Variants in TTC3 observed in about 807,000 individuals in gnomAD.
The protein encoded by TTC3 is tetratricopeptide repeat domain 3.
TTC3 carries 180 observed loss-of-function variants against 249.6 expected under a neutral mutation model. The observed-to-expected ratio is 0.72, with a 90% confidence interval of 0.64 to 0.82. TTC3 has a LOEUF of 0.82. Among genes scored for constraint, TTC3 ranks in the 40% least tolerant of loss-of-function variants. The probability of loss-of-function intolerance (pLI) is 0.00; values close to 1 mark genes in which losing one functional copy is unlikely to be tolerated. For missense variants in TTC3, 2,061 were observed against 2,398.4 expected (o/e 0.86, Z 2.94); for synonymous variants, 717 against 805.0 (o/e 0.89, Z 1.85).
chr21:37,112,467 T>A (rs1309097000), intron 11 of TTC3, among the ~76,000 whole-genome samples: 1 of 152,116 alleles, frequency 6.6e-6, no homozygotes, highest in Non-Finnish European at 1.5e-5. Context: ...CCTCGACACA[T>A]ACACTCTCCC....
chr21:37,155,302 A>G (rs1160514347), intron 27 of TTC3, among the ~76,000 whole-genome samples: 1 of 152,058 alleles, frequency 6.6e-6, no homozygotes, highest in Non-Finnish European at 1.5e-5. Context: ...GGAGGAAAGG[A>G]GGGAGGGAGA....
intron 11 of TTC3, among the ~76,000 whole-genome samples, chr21:37,109,100 T>G (rs991257547): frequency 2.0e-5 from 3 of 152,136 alleles, no homozygotes; most frequent in African/African-American, 4.8e-5. Flanking sequence ...GATGGCTGAA[T>G]AGGAACAGCT....
At chr21:37,201,821 G>T in exon 46 of TTC3, 1 of 512,216 alleles carries the variant, frequency 2.0e-6, no homozygotes, top group South Asian at 2.5e-5. Flanking sequence ...GGGCTGCGCA[G>T]GGCTCTTTGA....
At chr21:37,191,757 G>C (rs2084147902) in intron 40 of TTC3, among the ~76,000 whole-genome samples, 1 of 151,986 alleles carries the variant, frequency 6.6e-6, no homozygotes, top group Non-Finnish European at 1.5e-5. Context: ...TTTGTTTTTG[G>C]TTTTGGTTTT....
At chr21:37,112,943 C>T (rs2075805052) in intron 11 of TTC3, among the ~76,000 whole-genome samples, 1 of 152,246 alleles carries the variant, frequency 6.6e-6, no homozygotes, top group South Asian at 2.1e-4. Flanking sequence ...ACAAAAACCA[C>T]ATGATTATCT....
intron 11 of TTC3, among the ~76,000 whole-genome samples, chr21:37,114,829 A>G (rs1406808603): frequency 3.3e-5 from 5 of 152,194 alleles, no homozygotes; most frequent in African/African-American, 4.8e-5. Flanking sequence ...TGGCACATAT[A>G]CACCATGGAA....
At chr21:37,090,675 A>T (rs562580557) in intron 6 of TTC3, 2 of 289,244 alleles carry the variant, frequency 6.9e-6, no homozygotes, top group South Asian at 2.7e-4. Flanking sequence ...TGCCATAAAC[A>T]TCTATGTTTA....
chr21:37,136,543 C>T (rs2077955218), intron 18 of TTC3, among the ~76,000 whole-genome samples: 1 of 152,188 alleles, frequency 6.6e-6, no homozygotes, highest in South Asian at 2.1e-4. Context: ...TCTAACTCTT[C>T]TATTCTGTGA....
chr21:37,153,404 T>A, intron 27 of TTC3, 127 bp downstream of exon 27: 1 of 955,766 alleles, frequency 1.0e-6, no homozygotes, highest in Non-Finnish European at 1.5e-6. Context: ...TTTGTATGGT[T>A]AAGAATACTT....
intron 17 of TTC3, among the ~76,000 whole-genome samples, chr21:37,133,857 G>A (rs1861807870): frequency 6.6e-6 from 1 of 151,820 alleles, no homozygotes; most frequent in Non-Finnish European, 1.5e-5. Context: ...GGCAACATAG[G>A]AAGGCCCTGT....
chr21:37,084,223 T>C (rs2072093116), intron 1 of TTC3: 1 of 151,936 alleles, frequency 6.6e-6, no homozygotes, highest in South Asian at 2.1e-4. Context: ...GAAGAACCCA[T>C]GAAGGAAACT....
At chr21:37,091,086 G>A (rs920637857) in intron 6 of TTC3, among the ~76,000 whole-genome samples, 1 of 152,144 alleles carries the variant, frequency 6.6e-6, no homozygotes, top group Non-Finnish European at 1.5e-5. Flanking sequence ...CACCTGAAGA[G>A]GTAACATATA....
At chr21:37,189,348 C>T (rs1284760439) in intron 39 of TTC3, among the ~76,000 whole-genome samples, 3 of 151,854 alleles carry the variant, frequency 2.0e-5, no homozygotes, top group Non-Finnish European at 2.9e-5. Flanking sequence ...TGGGTTCAAG[C>T]GATTCTCTTG....
At chr21:37,183,541 C>A (rs1351137783) in intron 36 of TTC3, among the ~76,000 whole-genome samples, 1 of 152,120 alleles carries the variant, frequency 6.6e-6, no homozygotes, top group Non-Finnish European at 1.5e-5. Flanking sequence ...ATTGTATTTG[C>A]TCATGGTCCT....
rs148491985 is a variant in TTC3, at chr21:37,192,860, A to C, written c.5217+647A>C. On this transcript the variant is annotated intron_variant, in intron 41 of 45. Transcript: ENST00000355666. ...CACAGTAAAGAAAAGCATTAATTGC[A>C]TTTTGTGGACTTTACAACATGGCTA... 1.5e-3 allele frequency among the ~76,000 whole-genome samples: 224 copies of C among 152,324 alleles called. 2 individuals carry two copies. Among genetic ancestry groups the C allele is most frequent in the African/African-American group, 4.9e-3 (205 of 41,578 alleles).
chr21:37,101,779 C>CTT (rs61303390), intron 10 of TTC3, among the ~76,000 whole-genome samples: 2 of 146,390 alleles, frequency 1.4e-5, no homozygotes, highest in African/African-American at 5.0e-5. Flanking sequence ...GTACATCTTG[C>CTT]TTTTTTTTTT....
chr21:37,097,799 C>T, intron 10 of TTC3: 1 of 545,488 alleles, frequency 1.8e-6, no homozygotes, highest in South Asian at 2.6e-5. Flanking sequence ...AGTCTGCTAT[C>T]AGTTGTTTTT....
chr21:37,142,723 T>C (rs2078600156), intron 20 of TTC3, among the ~76,000 whole-genome samples: 1 of 152,192 alleles, frequency 6.6e-6, no homozygotes, highest in South Asian at 2.1e-4. Context: ...AATGACTTTC[T>C]TCACAGAATT....
intron 10 of TTC3, 130 bp downstream of exon 10, chr21:37,096,773 A>G (rs1048265646): frequency 4.6e-6 from 3 of 652,350 alleles, no homozygotes; most frequent in South Asian, 3.9e-5. Flanking sequence ...TAAGTGGTTA[A>G]AAGAGTATGC....
Sources: allele counts gnomAD v4.1 joint callset (sites outside exome capture counted in the v4.1 genomes callset), GRCh38; gene constraint gnomAD v4.1.1; transcripts MANE v1.5; gene names NCBI Gene and HGNC (gene_info 2026-07-23, HGNC 2026-07-21).